The following SGTA variants were observed in gnomAD, a reference collection of about 807,000 sequenced individuals.
SGTA encodes the protein small glutamine-rich tetratricopeptide repeat-containing protein alpha.
A neutral mutation model predicts 44.3 loss-of-function variants in SGTA; 22 were observed. That is an observed-to-expected ratio of 0.50 (90% confidence interval 0.36 to 0.71). The LOEUF is 0.71. Ranked by LOEUF, SGTA falls within the 30% of genes least tolerant of loss-of-function variation. SGTA has a pLI of 0.00. For synonymous variants in SGTA, 174 were observed against 177.6 expected, an observed-to-expected ratio of 0.98 and a Z score of 0.16; for missense variants, 341 against 435.9, an observed-to-expected ratio of 0.78 and a Z score of 1.94.
chr19:2,756,552 G>A (rs10408100), intron 11 of SGTA, among the ~76,000 whole-genome samples: 39 of 152,292 alleles, frequency 2.6e-4, no homozygotes, highest in African/African-American at 8.9e-4. Flanking sequence ...ATGAAAGAGA[G>A]TGTATATGAG....
chr19:2,769,733 C>T (rs1238396481), intron 1 of SGTA, among the ~76,000 whole-genome samples: 1 of 151,938 alleles, frequency 6.6e-6, no homozygotes, highest in East Asian at 1.9e-4. Context: ...TACCTCATTC[C>T]ACCTCAGACC....
intron 1 of SGTA, among the ~76,000 whole-genome samples, chr19:2,772,741 C>T (rs967338455): frequency 1.3e-5 from 2 of 152,184 alleles, no homozygotes; most frequent in African/African-American, 2.4e-5. Flanking sequence ...ACAGGGAGAA[C>T]ACTGTGTGGA....
chr19:2,768,622 T>A (rs920372728), intron 2 of SGTA, among the ~76,000 whole-genome samples: 5 of 152,284 alleles, frequency 3.3e-5, no homozygotes, highest in African/African-American at 1.2e-4. Flanking sequence ...AGGAGAGCTT[T>A]TTCCCCGTGA....
chr19:2,769,117 C>T, intron 1 of SGTA, 26 bp from the exon 2 acceptor site: 1 of 1,465,364 alleles, frequency 6.8e-7, no homozygotes, highest in Non-Finnish European at 9.5e-7. Context: ...AAACCCCCAT[C>T]AGGCCCCCTC....
intron 1 of SGTA, among the ~76,000 whole-genome samples, chr19:2,778,757 G>C (rs776307085): frequency 1.3e-5 from 2 of 152,126 alleles, no homozygotes; most frequent in Admixed American, 6.5e-5. Flanking sequence ...GCCAACTTGG[G>C]CAACAAAGTG....
Position 2,757,650 on chromosome 19 carries a change from C to T in SGTA, c.827+43G>A, listed in dbSNP as rs1449007504. 5 of 1,490,216 alleles carry T rather than the reference C, an allele frequency of 3.4e-6. No homozygotes were observed. The South Asian group carries it at 5.3e-5, about 16-fold the overall frequency. The allele number at this position is 1,490,216 out of a possible 1,614,324, so 92.3% of individuals were successfully genotyped here. A position where few individuals can be genotyped will look rare whatever the true frequency, so the allele number is the denominator to read the frequency against. On this transcript the variant is annotated intron_variant, in intron 10 of 11. Coordinates refer to ENST00000221566, the MANE Select transcript of SGTA (RefSeq NM_003021.4). ...TTCCCTTCCGCCTGCGAGCCCTGCC[C>T]GCCGCCCACGTCCTCCGTCCTCTTG...
chr19:2,781,583 G>C (rs150109924), intron 1 of SGTA, among the ~76,000 whole-genome samples: 10 of 152,262 alleles, frequency 6.6e-5, no homozygotes, highest in African/African-American at 2.4e-4. Flanking sequence ...TCACACACCT[G>C]AGGTGGTTAC....
rs1055760796 is a variant in SGTA, at chr19:2,763,580, A to G, written c.497+73T>C. On this transcript the variant is annotated intron_variant, in intron 6 of 11. Coordinates refer to ENST00000221566, the MANE Select transcript of SGTA (RefSeq NM_003021.4). This position sits in a 1 kb window ranked among gnomAD's most constrained non-coding sequence, Gnocchi z 5.8. ...GTTGTGGGTGGGAAAAAAGCCACAC[A>G]AGAGAGGAAGCAGGAGCAGGAGAGG... The G allele has an allele frequency of 5.7e-6, 6 of 1,056,856 alleles. No homozygotes were observed. Among genetic ancestry groups the G allele is most frequent in the Non-Finnish European group, 8.4e-6 (6 of 717,332 alleles). 65.5% of individuals were successfully genotyped at this position (1,056,856 alleles called of 1,614,324 possible). A position where few individuals can be genotyped will look rare whatever the true frequency, so the allele number is the denominator to read the frequency against.
intron 9 of SGTA, among the ~76,000 whole-genome samples, chr19:2,758,105 T>C (rs1351761748): frequency 6.6e-6 from 1 of 152,012 alleles, no homozygotes; most frequent in Non-Finnish European, 1.5e-5. Flanking sequence ...GGGCAGGGGG[T>C]GCTCCTGGCA....
chr19:2,767,447 C>T lies in SGTA; in HGVS notation c.207+133G>A, dbSNP rs1489874996. 26 of 818,614 alleles carry T rather than the reference C, an allele frequency of 3.2e-5. No homozygotes were observed. The highest frequency in any genetic ancestry group is 2.2e-4 in the South Asian group (14 of 62,934). 50.7% of individuals were successfully genotyped at this position (818,614 alleles called of 1,614,324 possible). A position where few individuals can be genotyped will look rare whatever the true frequency, so the allele number is the denominator to read the frequency against. On this transcript the variant is annotated intron_variant, in intron 3 of 11. Transcript: ENST00000221566. The surrounding 1 kb of genome is among the most constrained non-coding windows in gnomAD (Gnocchi z 7.3). ...GGAGGGCCAAGTGCTCCTGCAGCCACGTCCCCAGCCCAGGAGAGGATGCAG... is the reference window on the plus strand; with the variant it reads ...GGAGGGCCAAGTGCTCCTGCAGCCATGTCCCCAGCCCAGGAGAGGATGCAG...
At chr19:2,762,393 G>A (rs1204046844) in intron 7 of SGTA, 113 bp downstream of exon 7, 11 of 1,067,610 alleles carry the variant, frequency 1.0e-5, no homozygotes, top group South Asian at 7.1e-5. Flanking sequence ...AACAAACCCC[G>A]GACCCTCACG....
Position 2,765,312 on chromosome 19 carries a change from C to A in SGTA, c.293-27G>T, listed in dbSNP as rs139243561. The A allele has an allele frequency of 1.5e-5, 24 of 1,553,954 alleles. No homozygotes were observed. In the African/African-American group the frequency reaches 3.1e-4, roughly 20 times the overall value. On this transcript the variant is annotated intron_variant, in intron 4 of 11. Coordinates refer to ENST00000221566, the MANE Select transcript of SGTA (RefSeq NM_003021.4). This position sits in a 1 kb window ranked among gnomAD's most constrained non-coding sequence, Gnocchi z 5.5. ...TACAGGGAGAGAGGAAAACACCGGC[C>A]CGGTGTCCACACAGACCGGAGGGGG...
intron 1 of SGTA, among the ~76,000 whole-genome samples, chr19:2,774,666 G>A (rs148241441): frequency 2.2e-4 from 33 of 152,144 alleles, no homozygotes; most frequent in East Asian, 7.7e-4. Flanking sequence ...GACCTAGAAC[G>A]TCAACTATGT....
Position 2,769,729 on chromosome 19 carries a change from A to G in SGTA, c.-23-638T>C, listed in dbSNP as rs374315422. The stretch of plus-strand genomic sequence containing the variant: ...TCCCCCTGGGAGGCCTACCTACCTC[A>G]TTCCACCTCAGACCCCCCTCTAGTT... On this transcript the variant is annotated intron_variant, in intron 1 of 11. Coordinates refer to ENST00000221566, the MANE Select transcript of SGTA (RefSeq NM_003021.4). 2.6e-3 allele frequency among the ~76,000 whole-genome samples: 387 copies of G among 149,314 alleles called. 3 individuals are homozygous for G. Among genetic ancestry groups the G allele is most frequent in the African/African-American group, 9.2e-3 (371 of 40,398 alleles).
At chr19:2,756,357 G>A (rs1293889387) in intron 11 of SGTA, among the ~76,000 whole-genome samples, 6 of 151,738 alleles carry the variant, frequency 4.0e-5, no homozygotes, top group African/African-American at 4.8e-5. Context: ...TTGGGAGGCC[G>A]AGGCGGGAGG....
Position 2,755,557 on chromosome 19 carries a change from G to A in SGTA, c.*383C>T, listed in dbSNP as rs1342344619. On this transcript the variant is annotated 3_prime_UTR_variant, in exon 12 of 12. Coordinates refer to ENST00000221566, the MANE Select transcript of SGTA (RefSeq NM_003021.4). This position sits in a 1 kb window ranked among gnomAD's most constrained non-coding sequence, Gnocchi z 5.2. ...GACCACGGGATGGGGGGCGGGGGCT[G>A]TAAAAGGCTTTGGAAGCCACACGAT... 2 of 985,924 alleles carry A rather than the reference G, an allele frequency of 2.0e-6. No homozygotes were observed. Among genetic ancestry groups the A allele is most frequent in the East Asian group, 1.1e-4 (1 of 8,840 alleles). The allele number at this position is 985,924 out of a possible 1,614,324, so 61.1% of individuals were successfully genotyped here.
Position 2,761,466 on chromosome 19 carries a change from C to T in SGTA, c.693G>A (p.Met231Ile). The T allele has an allele frequency of 6.4e-7, 1 of 1,551,628 alleles. No homozygotes were observed. Among genetic ancestry groups the T allele is most frequent in the Non-Finnish European group, 8.7e-7 (1 of 1,146,954 alleles). The change falls in exon 8 of 12, where the codon ATG becomes ATA. Residue 231 changes from methionine to isoleucine, a missense_variant. Physicochemically the swap from Met to Ile is conservative, Grantham distance 10. Coordinates refer to ENST00000221566, the MANE Select transcript of SGTA (RefSeq NM_003021.4). This position sits in a 1 kb window ranked among gnomAD's most constrained non-coding sequence, Gnocchi z 5.7. ...AGGAGGGGCGGGCCGTTACCATGCT[C>T]ATGAAGCCAGGGTTGTTCAGCAGGC... ...IAGLLNNPGF[M>I]SMASNLMNNP...
At chr19:2,771,092 T>C (rs1009664464) in intron 1 of SGTA, among the ~76,000 whole-genome samples, 19 of 152,218 alleles carry the variant, frequency 1.2e-4, no homozygotes, top group Admixed American at 6.5e-4. Flanking sequence ...ACCCGGAAGC[T>C]GTCAGCCCAG....
intron 10 of SGTA, 73 bp from the exon 11 acceptor site, chr19:2,757,530 C>A: frequency 2.6e-6 from 4 of 1,553,734 alleles, no homozygotes; most frequent in Non-Finnish European, 3.5e-6. Flanking sequence ...CCCCAGCTGA[C>A]CCCTCGGGCC....
Sources: gnomAD v4.1 joint callset for allele counts (sites outside exome capture counted in the v4.1 genomes callset) on GRCh38, gnomAD v4.1.1 for gene constraint, Gnocchi (gnomAD v3.1) non-coding constraint, MANE v1.5 for transcripts, NCBI Gene and HGNC (gene_info 2026-07-23, HGNC 2026-07-21) for gene names.